ATAD1: variants seen among roughly 807,000 people sequenced by gnomAD.
The protein encoded by ATAD1 is ATPase family AAA domain containing 1, also known as outer mitochondrial transmembrane helix translocase.
A neutral mutation model predicts 42.7 loss-of-function variants in ATAD1; 18 were observed. The observed-to-expected ratio is 0.42, with a 90% CI of 0.29 to 0.63. The LOEUF is 0.63. Among genes scored for constraint, ATAD1 ranks in the 20% least tolerant of loss-of-function variants. The pLI, the probability that ATAD1 is intolerant of heterozygous loss-of-function variation, is 0.19. For missense variants in ATAD1, 294 were observed against 440.4 expected, an observed-to-expected ratio of 0.67 and a Z score of 2.98; for synonymous variants, 132 against 143.1, an observed-to-expected ratio of 0.92 and a Z score of 0.55.
chr10:87,804,798 T>A (rs1021754100), intron 2 of ATAD1, among the ~76,000 whole-genome samples: 1 of 152,120 alleles, frequency 6.6e-6, no homozygotes, highest in Admixed American at 6.5e-5. Flanking sequence ...CACCCTTTCA[T>A]CAAAAACATA....
chr10:87,821,634 T>C (rs899160718), upstream of ATAD1, among the ~76,000 whole-genome samples: 2 of 152,198 alleles, frequency 1.3e-5, no homozygotes, highest in African/African-American at 4.8e-5. Context: ...AGACTCCCGT[T>C]CAACTACTGT....
At chr10:87,808,911 T>C (rs1196368964) in intron 2 of ATAD1, among the ~76,000 whole-genome samples, 2 of 152,242 alleles carry the variant, frequency 1.3e-5, no homozygotes, top group African/African-American at 2.4e-5. Context: ...ACAAAAAGGT[T>C]TGGAAGTGTT....
At chr10:87,781,122 C>T (rs186766100) in intron 5 of ATAD1, among the ~76,000 whole-genome samples, 3 of 152,058 alleles carry the variant, frequency 2.0e-5, no homozygotes, top group Non-Finnish European at 4.4e-5. Context: ...AAAGAATTCT[C>T]ATATAAAAGC....
At chr10:87,833,182 A>C (rs1857865609) in intron 1 of ATAD1, 1 of 152,190 alleles carries the variant, frequency 6.6e-6, no homozygotes, top group Non-Finnish European at 1.5e-5. Context: ...TTCAGCATAC[A>C]TATTCTATTC....
At chr10:87,775,405 A>C (rs1367227740) in intron 6 of ATAD1, among the ~76,000 whole-genome samples, 2 of 137,338 alleles carry the variant, frequency 1.5e-5, no homozygotes, top group Non-Finnish European at 3.1e-5. Context: ...TGGGCGACAG[A>C]GCAAGACTCC....
chr10:87,778,647 T>C (rs1855426753), intron 5 of ATAD1, among the ~76,000 whole-genome samples: 1 of 152,226 alleles, frequency 6.6e-6, no homozygotes, highest in South Asian at 2.1e-4. Flanking sequence ...TTTCCACTTG[T>C]GGCATCATGT....
chr10:87,835,575 G>A (rs577976007), intron 1 of ATAD1, among the ~76,000 whole-genome samples: 3 of 152,088 alleles, frequency 2.0e-5, no homozygotes, highest in South Asian at 2.1e-4. Flanking sequence ...CAACACATAC[G>A]TAGCTCAGTC....
At chr10:87,831,025 A>G (rs896516265) in intron 1 of ATAD1, among the ~76,000 whole-genome samples, 4 of 152,226 alleles carry the variant, frequency 2.6e-5, no homozygotes, top group Non-Finnish European at 5.9e-5. Flanking sequence ...GGATCAAATC[A>G]CAGCTTTACC....
chr10:87,800,389 C>A (rs1204692636), intron 2 of ATAD1, among the ~76,000 whole-genome samples: 1 of 152,042 alleles, frequency 6.6e-6, no homozygotes, highest in East Asian at 1.9e-4. Flanking sequence ...ATTTTCAGCT[C>A]ATATTAAGTT....
chr10:87,815,725 A>G (rs1857386857), intron 1 of ATAD1, among the ~76,000 whole-genome samples: 1 of 151,686 alleles, frequency 6.6e-6, no homozygotes, highest in Non-Finnish European at 1.5e-5. Flanking sequence ...TATACCCCTC[A>G]CCTCCACTCA....
upstream of ATAD1, among the ~76,000 whole-genome samples, chr10:87,822,922 T>C (rs1453475859): frequency 6.6e-6 from 1 of 151,398 alleles, no homozygotes; most frequent in Non-Finnish European, 1.5e-5. Flanking sequence ...ACACACCTAC[T>C]ATGTACCCAT....
intron 7 of ATAD1, among the ~76,000 whole-genome samples, chr10:87,769,932 ACT>A (rs1309582950): frequency 2.0e-5 from 3 of 151,772 alleles, no homozygotes; most frequent in Non-Finnish European, 4.4e-5. Context: ...GACAGGCAAG[ACT>A]CTGTCTCAAA....
intron 6 of ATAD1, among the ~76,000 whole-genome samples, chr10:87,771,300 A>T (rs1855018132): frequency 6.6e-6 from 1 of 152,196 alleles, no homozygotes. Flanking sequence ...TGTAATGTTC[A>T]GTTGCAAATA....
chr10:87,781,573 C>T (rs140818497), intron 5 of ATAD1, among the ~76,000 whole-genome samples: 2 of 152,124 alleles, frequency 1.3e-5, no homozygotes, highest in East Asian at 3.8e-4. Flanking sequence ...AACAGTATGT[C>T]TTAGAATTGA....
chr10:87,780,369 CATT>C (rs1855509906), intron 5 of ATAD1, among the ~76,000 whole-genome samples: 1 of 152,076 alleles, frequency 6.6e-6, no homozygotes, highest in African/African-American at 2.4e-5. Flanking sequence ...AAATAAAAAA[CATT>C]ATGCTTTGTC....
intron 8 of ATAD1, 118 bp downstream of exon 8, chr10:87,767,555 C>G (rs1465952456): frequency 1.1e-6 from 1 of 945,902 alleles, no homozygotes; most frequent in Non-Finnish European, 1.7e-6. Context: ...TCTGTGGCTG[C>G]AGGGGCTGGA....
chr10:87,776,203 A>G (rs1199733503), intron 6 of ATAD1, 118 bp downstream of exon 6: 4 of 707,158 alleles, frequency 5.7e-6, no homozygotes, highest in African/African-American at 5.4e-5. Flanking sequence ...TCACTTAGTC[A>G]TAAGTGTAAA....
intron 9 of ATAD1, among the ~76,000 whole-genome samples, chr10:87,755,604 CTT>C (rs1412548016): frequency 6.6e-6 from 1 of 152,020 alleles, no homozygotes; most frequent in Non-Finnish European, 1.5e-5. Flanking sequence ...TCCTCTTAAT[CTT>C]ATATATAAGA....
chr10:87,835,977 G>T (rs759071219), intron 1 of ATAD1, among the ~76,000 whole-genome samples: 2 of 152,034 alleles, frequency 1.3e-5, no homozygotes, highest in Non-Finnish European at 2.9e-5. Flanking sequence ...CTTATGTATT[G>T]CATTTACATA....
Sources: gnomAD v4.1 joint callset for allele counts (sites outside exome capture counted in the v4.1 genomes callset) on GRCh38, gnomAD v4.1.1 for gene constraint, MANE v1.5 for transcripts, NCBI Gene and HGNC (gene_info 2026-07-23, HGNC 2026-07-21) for gene names.